P2RX5: variants seen among roughly 807,000 people sequenced by gnomAD.
The protein encoded by P2RX5 is purinergic receptor P2X 5, also known as P2X purinoceptor 5.
A neutral mutation model predicts 54.1 loss-of-function variants in P2RX5; 46 were observed. The observed-to-expected ratio is 0.85, with a 90% CI of 0.67 to 1.09. The LOEUF is 1.09. P2RX5 is among the 50% of genes least tolerant of loss of function. The pLI, the probability that P2RX5 is intolerant of heterozygous loss-of-function variation, is 0.00. For synonymous variants in P2RX5, 226 were observed against 226.4 expected (o/e 1.00, Z 0.02); for missense variants, 566 against 549.8 (o/e 1.03, Z -0.29).
At chr17:3,697,062 C>T (rs895239706), upstream of P2RX5, among the ~76,000 whole-genome samples, 19 of 144,026 alleles carry the variant, frequency 1.3e-4, no homozygotes, top group African/African-American at 4.0e-4. Flanking sequence ...GCCCACACTC[C>T]GGCGGAGTCG....
rs927374222 is a variant in P2RX5 at position 3,673,498 on chromosome 17, C to T, written c.*370G>A. ...TTTCCGGACACGCACAATGCTATTC[C>T]CAGTGAGGTAATCTAGGAACTCTAC... On this transcript the variant is annotated 3_prime_UTR_variant, in exon 12 of 12. Transcript: ENST00000225328. 1.1e-5 allele frequency: 13 copies of T among 1,187,436 alleles called. No individual in the cohort carries two copies. The South Asian group carries it at 1.4e-4, about 13-fold the overall frequency. The allele number at this position is 1,187,436 out of a possible 1,614,324, so 73.6% of individuals were successfully genotyped here.
At chr17:3,690,385 G>T (rs1345750968) in intron 5 of P2RX5, 42 bp downstream of exon 5, 5 of 1,482,874 alleles carry the variant, frequency 3.4e-6, no homozygotes, top group East Asian at 2.4e-5. Context: ...CACCGCACGG[G>T]GCTGGGAAAC....
chr17:3,684,525 C>T (rs1183552905), intron 9 of P2RX5, among the ~76,000 whole-genome samples: 1 of 152,178 alleles, frequency 6.6e-6, no homozygotes, highest in Non-Finnish European at 1.5e-5. Flanking sequence ...TCGCTTGAGC[C>T]CAGGAGTTCA....
Position 3,673,367 on chromosome 17 carries a change from A to G in P2RX5, c.*501T>C. ...GCCTAAGGGCAAACAGCTGGCAGGA[A>G]GGTGGTGTCTTTAGGAGAGAGAGTA... On this transcript the variant is annotated 3_prime_UTR_variant, in exon 12 of 12. Coordinates refer to ENST00000225328, the MANE Select transcript of P2RX5 (RefSeq NM_002561.4). The G allele has an allele frequency of 3.0e-6, 3 of 1,015,776 alleles. No homozygotes were observed. The highest frequency in any genetic ancestry group is 3.5e-6 in the Non-Finnish European group (3 of 846,738). The allele number at this position is 1,015,776 out of a possible 1,614,324, so 62.9% of individuals were successfully genotyped here. A position where few individuals can be genotyped will look rare whatever the true frequency, so the allele number is the denominator to read the frequency against.
the P2RX5 span, among the ~76,000 whole-genome samples, chr17:3,711,183 C>T: frequency 6.6e-6 from 1 of 152,112 alleles, no homozygotes; most frequent in African/African-American, 2.4e-5. Flanking sequence ...TTCTGTTCTC[C>T]TTTGCCCTGG....
chr17:3,714,750 C>A, the P2RX5 span: 1 of 672,466 alleles, frequency 1.5e-6, no homozygotes, highest in Non-Finnish European at 2.6e-6. Context: ...CAGCTCCATG[C>A]TGCTCTAGAT....
chr17:3,677,702 A>G (rs160582), intron 11 of P2RX5: 402,595 of 984,362 alleles, frequency 0.41, 84,612 homozygotes, highest in African/African-American at 0.65. Context: ...TCAGCATCTC[A>G]TTTAAGCACC....
intron 5 of P2RX5, 46 bp downstream of exon 5, chr17:3,690,381 A>T (rs746777880): frequency 1.4e-6 from 2 of 1,452,564 alleles, no homozygotes; most frequent in Non-Finnish European, 9.5e-7. Context: ...GACCCACCGC[A>T]CGGGGCTGGG....
intron 11 of P2RX5, among the ~76,000 whole-genome samples, chr17:3,679,132 C>G (rs1289066780): frequency 6.6e-6 from 1 of 152,224 alleles, no homozygotes; most frequent in Non-Finnish European, 1.5e-5. Context: ...CCTACAGACA[C>G]TGCCGGGATT....
chr17:3,715,157 C>A, the P2RX5 span, among the ~76,000 whole-genome samples: 1 of 152,358 alleles, frequency 6.6e-6, no homozygotes, highest in South Asian at 2.1e-4. Context: ...CTCCACCTTC[C>A]TCTGAACCCT....
In P2RX5 at chr17:3,691,698, G is replaced by C; in HGVS notation, c.234C>G (p.Thr78=). ...CCCAGATCCGCTGCCCAAGATCCGA[G>C]GTGTTGGTGAAGGCCACGCCCTTGA... ...TKVKGVAFTN[T]SDLGQRIWDV... is the part of the protein sequence containing the mutation. Residue 78 remains threonine (T), a synonymous_variant, in exon 2 of 12, where the codon ACC becomes ACG. Transcript: ENST00000225328. The C allele has an allele frequency of 6.2e-7, 1 of 1,614,228 alleles. No individual in the cohort carries two copies. The highest frequency in any genetic ancestry group is 8.5e-7 in the Non-Finnish European group (1 of 1,180,042).
the P2RX5 span, chr17:3,718,377 G>A: frequency 6.6e-6 from 1 of 152,228 alleles, no homozygotes; most frequent in Non-Finnish European, 1.5e-5. Flanking sequence ...TACAGCATTT[G>A]GAGATGTGGC....
At chr17:3,679,916 ACCCTGCTTCCTCCATGCGGCTCCC>A in intron 10 of P2RX5, 132 bp from the exon 11 acceptor site, 1 of 779,180 alleles carries the variant, frequency 1.3e-6, no homozygotes, top group Non-Finnish European at 2.2e-6. Context: ...GGTGTCCTCC[ACCCTGCTTCCTCCATGCGGCTCCC>A]TCCACCCTGC....
At chr17:3,674,935 G>T (rs1479002383) in intron 11 of P2RX5, among the ~76,000 whole-genome samples, 1 of 152,216 alleles carries the variant, frequency 6.6e-6, no homozygotes, top group African/African-American at 2.4e-5. Context: ...CAGGGATCGT[G>T]TCTGTGTTGC....
the P2RX5 span, chr17:3,715,086 ATC>A: frequency 1.6e-6 from 1 of 613,308 alleles, no homozygotes; most frequent in Non-Finnish European, 2.9e-6. Flanking sequence ...CTTACTCTGA[ATC>A]TCTCCTGGAG....
chr17:3,719,309 T>C, the P2RX5 span, among the ~76,000 whole-genome samples: 6 of 151,534 alleles, frequency 4.0e-5, no homozygotes, highest in Admixed American at 2.6e-4. Context: ...AAATGTTATA[T>C]TGGCATGTCT....
In P2RX5 at chr17:3,688,751, C is replaced by G. The variant is rs1003283527; in HGVS notation, c.762G>C (p.Val254=). The G allele has an allele frequency of 1.2e-6, 2 of 1,614,082 alleles. No homozygotes were observed. Among genetic ancestry groups the G allele is most frequent in the Non-Finnish European group, 1.7e-6 (2 of 1,179,980 alleles). Residue 254 remains valine, a synonymous_variant, in exon 8 of 12, where the codon GTG becomes GTC. Coordinates refer to ENST00000225328, the MANE Select transcript of P2RX5 (RefSeq NM_002561.4). ...AGTTCCATTCAATATTAATTCCTAT[C>G]ACGCCACCCTTGATAAAAGAGAGAT... The part of the protein sequence containing the change: ...DFQDIALEGG[V]IGINIEWNCD...
chr17:3,690,227 G>T lies in P2RX5; in HGVS notation c.534-77C>A. 5 of 1,405,660 alleles carry T rather than the reference G, an allele frequency of 3.6e-6. No homozygotes were observed. In the South Asian group the frequency reaches 4.6e-5, roughly 13 times the overall value. The allele number at this position is 1,405,660 out of a possible 1,614,324, so 87.1% of individuals were successfully genotyped here. A position where few individuals can be genotyped will look rare whatever the true frequency, so the allele number is the denominator to read the frequency against. The stretch of plus-strand genomic sequence containing the variant: ...TCCCCCAGGCCTGGGCCAGTGTGAG[G>T]CCTGTTCCTTGGGTCCCCTGGAGCC... On this transcript the variant is annotated intron_variant, in intron 5 of 11. Transcript: ENST00000225328.
chr17:3,689,741 C>G, intron 6 of P2RX5, 111 bp from the exon 7 acceptor site: 2 of 1,391,482 alleles, frequency 1.4e-6, no homozygotes, highest in Non-Finnish European at 2.0e-6. Flanking sequence ...CTCCCCGCAG[C>G]AACACCCCAC....
Sources: gnomAD v4.1 joint callset for allele counts (sites outside exome capture counted in the v4.1 genomes callset) on GRCh38, gnomAD v4.1.1 for gene constraint, MANE v1.5 for transcripts, NCBI Gene and HGNC (gene_info 2026-07-23, HGNC 2026-07-21) for gene names.